The following NKAIN2 variants were observed in gnomAD, a reference collection of about 807,000 sequenced individuals.
NKAIN2 encodes the protein sodium/potassium-transporting ATPase subunit beta-1-interacting protein 2.
NKAIN2 carries 14 observed loss-of-function variants against 32.6 expected under a neutral mutation model. The ratio of observed to expected loss-of-function variants is 0.43; its 90% CI spans 0.28 to 0.67. The LOEUF is 0.67. Ranked by LOEUF, NKAIN2 falls within the 30% of genes least tolerant of loss-of-function variation. The pLI, the probability that NKAIN2 is intolerant of heterozygous loss-of-function variation, is 0.17. For missense variants in NKAIN2, 198 were observed against 258.3 expected (o/e 0.77, Z 1.60); for synonymous variants, 80 against 87.2 (o/e 0.92, Z 0.46).
intron 1 of NKAIN2, among the ~76,000 whole-genome samples, chr6:124,021,619 A>T (rs1284239554): frequency 1.3e-5 from 2 of 151,900 alleles, no homozygotes; most frequent in Admixed American, 1.3e-4. Flanking sequence ...TATCTCTTGG[A>T]TCATATAAAG....
chr6:124,698,641 A>T (rs1326043452), intron 4 of NKAIN2, among the ~76,000 whole-genome samples: 1 of 152,174 alleles, frequency 6.6e-6, no homozygotes, highest in Admixed American at 6.5e-5. Context: ...TCCTTTTCTC[A>T]TTACCTTTGA....
At chr6:123,953,999 A>G (rs73555232) in intron 1 of NKAIN2, among the ~76,000 whole-genome samples, 3,488 of 152,308 alleles carry the variant, frequency 0.023, 129 homozygotes, top group African/African-American at 0.079. Flanking sequence ...TTGAATATGC[A>G]TAACAGCTTT....
chr6:124,432,061 C>T (rs966690613), intron 3 of NKAIN2, among the ~76,000 whole-genome samples: 2 of 152,142 alleles, frequency 1.3e-5, no homozygotes, highest in Non-Finnish European at 2.9e-5. Context: ...GAATAGGGAT[C>T]TGTGAGAATA....
intron 3 of NKAIN2, among the ~76,000 whole-genome samples, chr6:124,474,388 A>G (rs1454325642): frequency 2.6e-5 from 4 of 152,108 alleles, no homozygotes; most frequent in African/African-American, 9.7e-5. Flanking sequence ...GGATTTGGCT[A>G]TAGTCTCCAT....
intron 1 of NKAIN2, among the ~76,000 whole-genome samples, chr6:124,018,119 C>G (rs924165043): frequency 1.3e-5 from 2 of 152,184 alleles, no homozygotes; most frequent in Admixed American, 1.3e-4. Flanking sequence ...GGCTCAACAT[C>G]ACATGGAAGC....
rs1335126077 is a variant in NKAIN2 at position 123,804,119 on chromosome 6, C to G, written c.-82C>G. 7.6e-7 allele frequency: 1 copy of G among 1,321,588 alleles called. No individual in the cohort carries two copies. Among genetic ancestry groups the G allele is most frequent in the African/African-American group, 1.4e-5 (1 of 69,140 alleles). 81.9% of individuals were successfully genotyped at this position (1,321,588 alleles called of 1,614,324 possible). A position where few individuals can be genotyped will look rare whatever the true frequency, so the allele number is the denominator to read the frequency against. On this transcript the variant is annotated 5_prime_UTR_variant, in exon 1 of 7. Coordinates refer to ENST00000368417, the MANE Select transcript of NKAIN2 (RefSeq NM_001040214.3). ...GCCCTCGGCAGGTTTGCGTGTCCTT[C>G]CCCGCGATCTGATTGGATAAAGTGG...
chr6:124,570,007 G>A (rs1781064811), intron 3 of NKAIN2, among the ~76,000 whole-genome samples: 1 of 152,198 alleles, frequency 6.6e-6, no homozygotes, highest in Admixed American at 6.5e-5. Context: ...CTCAGATGGA[G>A]ATGAGGAACT....
rs189864085 is a variant in NKAIN2, at chr6:124,734,270, G to T, written c.475-57069G>T. On this transcript the variant is annotated intron_variant, in intron 4 of 6. Transcript: ENST00000368417. The stretch of plus-strand genomic sequence containing the variant: ...TATTTACAAAAATCTCTTAAATCTT[G>T]ACCCTATTTGCTGTTATCTCTGCTG... 2.9e-4 allele frequency among the ~76,000 whole-genome samples: 44 copies of T among 151,742 alleles called. 2 individuals are homozygous for T. The East Asian group carries it at 8.6e-3, about 30-fold the overall frequency.
chr6:124,776,758 G>GT (rs1339066090), intron 4 of NKAIN2, among the ~76,000 whole-genome samples: 5 of 151,828 alleles, frequency 3.3e-5, no homozygotes, highest in South Asian at 4.2e-4. Context: ...GGTTTCCACT[G>GT]TTTTTTTCTT....
intron 3 of NKAIN2, among the ~76,000 whole-genome samples, chr6:124,357,870 CA>C (rs1289386601): frequency 2.6e-5 from 4 of 152,136 alleles, no homozygotes; most frequent in African/African-American, 7.2e-5. Flanking sequence ...TGGTGTGCTG[CA>C]CCCATTAACT....
At chr6:123,821,489 A>G (rs1485746157) in intron 1 of NKAIN2, among the ~76,000 whole-genome samples, 1 of 152,172 alleles carries the variant, frequency 6.6e-6, no homozygotes, top group Non-Finnish European at 1.5e-5. Context: ...CATTATACTC[A>G]GAGAGTTGGA....
intron 3 of NKAIN2, among the ~76,000 whole-genome samples, chr6:124,550,331 A>T (rs1464346367): frequency 6.6e-6 from 1 of 151,532 alleles, no homozygotes; most frequent in African/African-American, 2.4e-5. Context: ...TCCTCCTATG[A>T]CCTTTTCATA....
At chr6:124,432,622 TAAATA>T (rs1342261646) in intron 3 of NKAIN2, among the ~76,000 whole-genome samples, 2 of 151,814 alleles carry the variant, frequency 1.3e-5, no homozygotes, top group African/African-American at 4.8e-5. Context: ...TCTAAACAAA[TAAATA>T]AATAAAATAA....
At chr6:124,008,087 AG>A (rs757118022) in intron 1 of NKAIN2, among the ~76,000 whole-genome samples, 20 of 152,270 alleles carry the variant, frequency 1.3e-4, no homozygotes, top group Non-Finnish European at 2.4e-4. Flanking sequence ...GTGATGACCG[AG>A]GAGGAGTCAG....
chr6:124,028,037 A>T (rs1452225913), intron 1 of NKAIN2, among the ~76,000 whole-genome samples: 1 of 152,102 alleles, frequency 6.6e-6, no homozygotes, highest in Non-Finnish European at 1.5e-5. Context: ...ATACTGGAAG[A>T]TATGTTGCTC....
rs932433297 is a variant in NKAIN2 at position 124,108,586 on chromosome 6, T to G, written c.55-174419T>G. 1.9e-4 allele frequency among the ~76,000 whole-genome samples: 29 copies of G among 152,180 alleles called. No homozygotes were observed. The East Asian group carries it at 5.2e-3, about 27-fold the overall frequency. On this transcript the variant is annotated intron_variant, in intron 1 of 6. Coordinates refer to ENST00000368417, the MANE Select transcript of NKAIN2 (RefSeq NM_001040214.3). The stretch of plus-strand genomic sequence containing the variant: ...CTTTTAGTGTTTAATGTCTGTGTTT[T>G]TGGTGTCATATCCAATAACTCATTG...
chr6:124,728,203 T>C (rs9372789), intron 4 of NKAIN2, among the ~76,000 whole-genome samples: 31,286 of 80,252 alleles, frequency 0.39, 4,816 homozygotes, highest in East Asian at 0.46. Context: ...CTGCACCAAG[T>C]GGACCTAATA....
chr6:124,048,310 G>GT (rs1159825374), intron 1 of NKAIN2, among the ~76,000 whole-genome samples: 1 of 151,996 alleles, frequency 6.6e-6, no homozygotes, highest in Non-Finnish European at 1.5e-5. Flanking sequence ...CTGGATCAGA[G>GT]TTACAGCACT....
intron 4 of NKAIN2, among the ~76,000 whole-genome samples, chr6:124,677,355 G>A (rs775249076): frequency 1.3e-5 from 2 of 152,128 alleles, no homozygotes; most frequent in African/African-American, 2.4e-5. Context: ...TTTCTGAAAA[G>A]GAAGGGCTTA....
Sources: allele counts gnomAD v4.1 joint callset (sites outside exome capture counted in the v4.1 genomes callset), GRCh38; gene constraint gnomAD v4.1.1; transcripts MANE v1.5; gene names NCBI Gene and HGNC (gene_info 2026-07-23, HGNC 2026-07-21).